SLCO1A2: variants seen among roughly 807,000 people sequenced by gnomAD.
The protein encoded by SLCO1A2 is OATP-1.
A neutral mutation model predicts 69.0 loss-of-function variants in SLCO1A2; 67 were observed. The observed-to-expected ratio is 0.97, with a 90% CI of 0.80 to 1.19. The LOEUF is 1.19. Ranked by LOEUF, SLCO1A2 falls within the 50% of genes most tolerant of loss-of-function variation. SLCO1A2 has a pLI of 0.00. For missense variants in SLCO1A2, 787 were observed against 793.7 expected, an observed-to-expected ratio of 0.99 and a Z score of 0.10; for synonymous variants, 260 against 265.9, an observed-to-expected ratio of 0.98 and a Z score of 0.22.
At chr12:21,332,998 C>T (rs1952706746) in intron 2 of SLCO1A2, among the ~76,000 whole-genome samples, 1 of 152,058 alleles carries the variant, frequency 6.6e-6, no homozygotes, top group Non-Finnish European at 1.5e-5. Flanking sequence ...AACTGATTGA[C>T]TACAGCATAG....
At chr12:21,313,880 C>T (rs1323472878) in intron 4 of SLCO1A2, among the ~76,000 whole-genome samples, 1 of 151,528 alleles carries the variant, frequency 6.6e-6, no homozygotes, top group East Asian at 1.9e-4. Context: ...AGGAGAGTTG[C>T]TTGAACCTGG....
At chr12:21,282,628 C>T (rs1014166975) in intron 12 of SLCO1A2, among the ~76,000 whole-genome samples, 3 of 152,006 alleles carry the variant, frequency 2.0e-5, no homozygotes, top group Non-Finnish European at 4.4e-5. Flanking sequence ...AGCATCCAAA[C>T]TTGAAATTAA....
intron 9 of SLCO1A2, among the ~76,000 whole-genome samples, chr12:21,296,897 G>A (rs747951072): frequency 8.5e-5 from 13 of 152,136 alleles, no homozygotes; most frequent in Non-Finnish European, 1.3e-4. Flanking sequence ...AAAGATCCCA[G>A]GAAAAACCCA....
At chr12:21,330,378 G>C (rs1299641914) in intron 2 of SLCO1A2, among the ~76,000 whole-genome samples, 1 of 151,982 alleles carries the variant, frequency 6.6e-6, no homozygotes, top group Non-Finnish European at 1.5e-5. Context: ...TGGCTTTGTG[G>C]TGCACACTTG....
In SLCO1A2 at chr12:21,269,505, C is replaced by G. The variant is rs769989194; in HGVS notation, c.*43G>C. On this transcript the variant is annotated 3_prime_UTR_variant, in exon 15 of 15. Transcript: ENST00000683939. ...TGATTTTTAAAACAATTAAGTTGTA[C>G]AGCATGTTCTCTAATTCTGAAAAAA... The G allele has an allele frequency of 2.8e-6, 4 of 1,423,030 alleles. No individual in the cohort carries two copies. The highest frequency in any genetic ancestry group is 3.9e-6 in the Non-Finnish European group (4 of 1,017,922). 88.2% of individuals were successfully genotyped at this position (1,423,030 alleles called of 1,614,324 possible).
intron 1 of SLCO1A2, among the ~76,000 whole-genome samples, chr12:21,390,493 G>T (rs1452914814): frequency 6.6e-6 from 1 of 152,086 alleles, no homozygotes; most frequent in Non-Finnish European, 1.5e-5. Context: ...CTATTTTCTT[G>T]TCCTTCAACT....
chr12:21,412,705 A>G (rs140498504), intron 1 of SLCO1A2, among the ~76,000 whole-genome samples: 37 of 152,306 alleles, frequency 2.4e-4, no homozygotes, highest in East Asian at 2.1e-3. Context: ...AAGGCAATCA[A>G]TCTTGTAGAG....
chr12:21,349,240 G>A (rs185136852), intron 2 of SLCO1A2, among the ~76,000 whole-genome samples: 1 of 152,116 alleles, frequency 6.6e-6, no homozygotes. Context: ...GAGAAGGATA[G>A]AAAAAAGATG....
chr12:21,296,183 T>G (rs994690895), intron 9 of SLCO1A2, among the ~76,000 whole-genome samples: 3 of 152,168 alleles, frequency 2.0e-5, no homozygotes, highest in Admixed American at 6.6e-5. Flanking sequence ...ATATATACAA[T>G]TTTTCAGTTA....
chr12:21,403,700 G>T (rs1591920349), intron 1 of SLCO1A2: 1 of 146,712 alleles, frequency 6.8e-6, no homozygotes, highest in East Asian at 2.0e-4. Context: ...GGAACCAGAG[G>T]CTCCTCCTTG....
chr12:21,327,354 G>A (rs1211664168), intron 2 of SLCO1A2, among the ~76,000 whole-genome samples: 1 of 152,164 alleles, frequency 6.6e-6, no homozygotes, highest in Non-Finnish European at 1.5e-5. Context: ...CCCCCACACA[G>A]AGTCTCCACT....
chr12:21,419,595 A>G (rs1942051448), upstream of SLCO1A2: 1 of 163,598 alleles, frequency 6.1e-6, no homozygotes, highest in Non-Finnish European at 1.3e-5. Flanking sequence ...GCTGATTGCT[A>G]GTACAGCAGT....
At chr12:21,414,301 C>A (rs934647545) in intron 1 of SLCO1A2, among the ~76,000 whole-genome samples, 18 of 146,786 alleles carry the variant, frequency 1.2e-4, no homozygotes, top group Non-Finnish European at 4.5e-5. Context: ...TTAATTTCTT[C>A]TTTTCCAATG....
intron 1 of SLCO1A2, among the ~76,000 whole-genome samples, chr12:21,388,798 GA>G (rs199929718): frequency 6.7e-6 from 1 of 149,294 alleles, no homozygotes; most frequent in Non-Finnish European, 1.5e-5. Flanking sequence ...TAAGACTTCT[GA>G]AAAAAAAATA....
chr12:21,329,661 G>A (rs973277914), intron 2 of SLCO1A2, among the ~76,000 whole-genome samples: 14 of 151,776 alleles, frequency 9.2e-5, no homozygotes, highest in Non-Finnish European at 1.8e-4. Flanking sequence ...CCACCCTGGA[G>A]TCAAGGTTTC....
At chr12:21,362,579 G>T (rs1591882225) in intron 2 of SLCO1A2, among the ~76,000 whole-genome samples, 1 of 152,220 alleles carries the variant, frequency 6.6e-6, no homozygotes, top group East Asian at 1.9e-4. Context: ...TGGGCTAAAT[G>T]CTCCAATTAG....
chr12:21,292,682 G>A (rs894069513), intron 11 of SLCO1A2, among the ~76,000 whole-genome samples: 1 of 151,790 alleles, frequency 6.6e-6, no homozygotes, highest in East Asian at 1.9e-4. Context: ...TACAACCTCT[G>A]CCTCCCAGGT....
At chr12:21,397,628 G>A (rs1374074399), upstream of SLCO1A2, among the ~76,000 whole-genome samples, 11 of 151,822 alleles carry the variant, frequency 7.2e-5, no homozygotes, top group Admixed American at 1.3e-4. Context: ...GGGAAGTAAA[G>A]CTCTCCTCAG....
rs551030343 is a variant in SLCO1A2 at position 21,325,108 on chromosome 12, G to T, written c.61-6185C>A. ...AAGCCCTAATAAATGCTCCACAAAT[G>T]GATATGAAGTGGAGAATTTGTCCCT... On this transcript the variant is annotated intron_variant, in intron 2 of 14. Transcript: ENST00000683939. 3.9e-5 allele frequency among the ~76,000 whole-genome samples: 6 copies of T among 152,200 alleles called. No individual in the cohort carries two copies. The South Asian group carries it at 1.2e-3, about 32-fold the overall frequency.
Sources: allele counts gnomAD v4.1 joint callset (sites outside exome capture counted in the v4.1 genomes callset), GRCh38; gene constraint gnomAD v4.1.1; transcripts MANE v1.5; gene names NCBI Gene and HGNC (gene_info 2026-07-23, HGNC 2026-07-21).